AGBL1: variants seen among roughly 807,000 people sequenced by gnomAD.
AGBL1 encodes the protein cytosolic carboxypeptidase 4.
Under a neutral mutation model 118.9 loss-of-function variants are expected in AGBL1, and 130 were observed. That is an observed-to-expected ratio of 1.09 (90% confidence interval 0.95 to 1.26). AGBL1 has a LOEUF of 1.26. AGBL1 is among the 50% of genes most tolerant of loss of function. AGBL1 has a pLI of 0.00. For synonymous variants in AGBL1, 555 were observed against 478.9 expected (o/e 1.16, Z -2.08); for missense variants, 1,584 against 1,298.1 (o/e 1.22, Z -3.38).
chr15:86,961,263 G>T (rs1452486958), intron 23 of AGBL1, among the ~76,000 whole-genome samples: 2 of 151,964 alleles, frequency 1.3e-5, no homozygotes, highest in South Asian at 2.1e-4. Context: ...GGGAGTCATT[G>T]CTGCAACCTC....
intron 3 of AGBL1, among the ~76,000 whole-genome samples, chr15:86,152,649 A>T (rs770695240): frequency 1.1e-4 from 16 of 152,098 alleles, no homozygotes; most frequent in Non-Finnish European, 1.8e-4. Context: ...GGCAACAAAA[A>T]CCAAAGGAAA....
intron 18 of AGBL1, among the ~76,000 whole-genome samples, chr15:86,415,910 A>T (rs551238496): frequency 6.6e-6 from 1 of 152,218 alleles, no homozygotes. Flanking sequence ...AAACAAAGAG[A>T]ATATATCCTT....
At chr15:86,905,207 A>G (rs1052777091) in intron 22 of AGBL1, among the ~76,000 whole-genome samples, 1 of 152,312 alleles carries the variant, frequency 6.6e-6, no homozygotes, top group African/African-American at 2.4e-5. Context: ...CGACTTGACA[A>G]CTTGATGCGC....
At chr15:86,309,249 A>G (rs1252558136) in intron 17 of AGBL1, among the ~76,000 whole-genome samples, 2 of 152,206 alleles carry the variant, frequency 1.3e-5, no homozygotes, top group African/African-American at 2.4e-5. Context: ...TGATTTTTGT[A>G]TGTTAAATTT....
chr15:86,092,966 C>G (rs989109701), intron 1 of AGBL1, among the ~76,000 whole-genome samples: 5 of 152,168 alleles, frequency 3.3e-5, no homozygotes, highest in African/African-American at 4.8e-5. Context: ...GTTTCTAACA[C>G]ATGGTTTTTG....
chr15:86,498,020 T>A (rs1434558206), intron 18 of AGBL1, among the ~76,000 whole-genome samples: 2 of 151,952 alleles, frequency 1.3e-5, no homozygotes, highest in African/African-American at 2.4e-5. Context: ...GGAGGTATAA[T>A]GAATGAGTGC....
chr15:86,574,860 G>A (rs1399048563), intron 21 of AGBL1, among the ~76,000 whole-genome samples: 1 of 151,448 alleles, frequency 6.6e-6, no homozygotes, highest in East Asian at 2.0e-4. Context: ...TTATAGATGT[G>A]AGCCACTGCA....
chr15:86,756,286 A>G (rs1275006175), intron 22 of AGBL1, among the ~76,000 whole-genome samples: 1 of 151,852 alleles, frequency 6.6e-6, no homozygotes, highest in Non-Finnish European at 1.5e-5. Flanking sequence ...TTTCTCAGAA[A>G]AATTTCAGAT....
chr15:86,827,234 G>T (rs866115346), intron 22 of AGBL1, among the ~76,000 whole-genome samples: 1 of 141,944 alleles, frequency 7.0e-6, no homozygotes, highest in African/African-American at 2.6e-5. Context: ...AAGAAAGCCA[G>T]CTATTAAATA....
At chr15:86,790,380 G>A (rs901266238) in intron 22 of AGBL1, among the ~76,000 whole-genome samples, 5 of 147,774 alleles carry the variant, frequency 3.4e-5, no homozygotes, top group Middle Eastern at 3.5e-3. Flanking sequence ...ATGCACGCAC[G>A]CACACACACA....
chr15:86,167,509 G>A (rs914947222), intron 5 of AGBL1, among the ~76,000 whole-genome samples: 1 of 152,218 alleles, frequency 6.6e-6, no homozygotes, highest in Admixed American at 6.5e-5. Flanking sequence ...GCCTCCCAAA[G>A]TGCTGGGATT....
chr15:86,239,260 C>T (rs539617924), intron 6 of AGBL1, among the ~76,000 whole-genome samples: 2 of 152,228 alleles, frequency 1.3e-5, no homozygotes, highest in South Asian at 4.1e-4. Context: ...ACAAGATTTG[C>T]TTGAAACCAA....
At chr15:86,475,066 C>T (rs533406770) in intron 18 of AGBL1, among the ~76,000 whole-genome samples, 1 of 152,306 alleles carries the variant, frequency 6.6e-6, no homozygotes, top group East Asian at 1.9e-4. Context: ...CACCAAAACC[C>T]CATCTGTACG....
chr15:86,176,687 G>A (rs1597496987), intron 5 of AGBL1, among the ~76,000 whole-genome samples: 1 of 152,184 alleles, frequency 6.6e-6, no homozygotes, highest in Admixed American at 6.5e-5. Context: ...ATCTGGTGGG[G>A]CCTGGGCTCT....
At chr15:86,262,927 G>A (rs542945408) in intron 10 of AGBL1, 33 bp downstream of exon 10, 10 of 1,495,986 alleles carry the variant, frequency 6.7e-6, no homozygotes, top group South Asian at 4.8e-5. Context: ...GATCTTTGAC[G>A]ATGCATGATG....
At chr15:86,957,506 A>C (rs1229536950) in intron 23 of AGBL1, among the ~76,000 whole-genome samples, 1 of 152,088 alleles carries the variant, frequency 6.6e-6, no homozygotes, top group Non-Finnish European at 1.5e-5. Flanking sequence ...TTAGATTAAT[A>C]TATAATGGAA....
chr15:86,594,243 G>T lies in AGBL1; in HGVS notation c.2994+39706G>T, dbSNP rs921777061. Among the ~76,000 whole-genome samples the T allele has an allele frequency of 3.3e-5, 5 of 151,940 alleles. No homozygotes were observed. The East Asian group carries it at 7.7e-4, about 23-fold the overall frequency. On this transcript the variant is annotated intron_variant, in intron 21 of 22. Transcript: ENST00000614907. ...ATTTTTAAACCAAGCTTGCATCCCG[G>T]GGATAAAACATATTTGTTCATGATT... is the stretch of plus-strand genomic sequence containing the variant.
intron 22 of AGBL1, among the ~76,000 whole-genome samples, chr15:86,782,143 GTTATTTCTGTA>G (rs1208799588): frequency 6.6e-6 from 1 of 151,970 alleles, no homozygotes; most frequent in African/African-American, 2.4e-5. Flanking sequence ...ATATTTGTTT[GTTATTTCTGTA>G]TTACGTTTTT....
intron 22 of AGBL1, among the ~76,000 whole-genome samples, chr15:86,873,685 A>G (rs2079761964): frequency 6.6e-6 from 1 of 152,192 alleles, no homozygotes; most frequent in African/African-American, 2.4e-5. Flanking sequence ...AGCCCTCACC[A>G]AACACCACAT....
Sources: allele counts gnomAD v4.1 joint callset (sites outside exome capture counted in the v4.1 genomes callset), GRCh38; gene constraint gnomAD v4.1.1; transcripts MANE v1.5; gene names NCBI Gene and HGNC (gene_info 2026-07-23, HGNC 2026-07-21).